The following GSPT1 variants were observed in gnomAD, a reference collection of about 807,000 sequenced individuals.
GSPT1 encodes G1 to S phase transition 1.
A neutral mutation model predicts 72.5 loss-of-function variants in GSPT1; 20 were observed. The observed-to-expected ratio is 0.28, with a 90% confidence interval of 0.19 to 0.40. The LOEUF (loss-of-function observed/expected upper bound fraction) is 0.40, where lower values mean the gene tolerates loss of function less well. Among genes scored for constraint, GSPT1 ranks in the 10% least tolerant of loss-of-function variants. The pLI, the probability that GSPT1 is intolerant of heterozygous loss-of-function variation, is 1.00. For synonymous variants in GSPT1, 334 were observed against 293.5 expected, an observed-to-expected ratio of 1.14 and a Z score of -1.41; for missense variants, 580 against 811.9, an observed-to-expected ratio of 0.71 and a Z score of 3.47.
At position 11,868,238 on chromosome 16, in the gene GSPT1, T is replaced by C. The variant is rs2053940091; in HGVS notation, c.*4881A>G. ...GCTTAATCCTCACACAGGCACCAAGTCAGGCACAGTAGGTAGCTACAAATC... is the reference window on the plus strand; with the variant it reads ...GCTTAATCCTCACACAGGCACCAAGCCAGGCACAGTAGGTAGCTACAAATC... On this transcript the variant is annotated 3_prime_UTR_variant, in exon 15 of 15. Coordinates refer to ENST00000434724, the MANE Select transcript of GSPT1 (RefSeq NM_002094.4). 1 of 152,126 alleles carries C rather than the reference T, an allele frequency of 6.6e-6. No individual in the cohort carries two copies. The highest frequency in any genetic ancestry group is 6.6e-5 in the Admixed American group (1 of 15,260). 9.4% of individuals were successfully genotyped at this position (152,126 alleles called of 1,614,324 possible).
intron 5 of GSPT1, 46 bp downstream of exon 5, chr16:11,894,908 A>T (rs1567444595): frequency 4.0e-6 from 5 of 1,239,066 alleles, no homozygotes; most frequent in Non-Finnish European, 5.8e-6. Context: ...CCTAAAATTC[A>T]TTACATCAAT....
At chr16:11,874,962 C>T (rs191438122) in intron 14 of GSPT1, among the ~76,000 whole-genome samples, 189 of 152,264 alleles carry the variant, frequency 1.2e-3, no homozygotes, top group Middle Eastern at 6.8e-3. Flanking sequence ...GAGGCCAAGG[C>T]GGGCGGATCA....
rs374995803 is a variant in GSPT1, at chr16:11,915,756, G to A, written c.-36C>T. The A allele has an allele frequency of 5.1e-4, 789 of 1,553,724 alleles. 4 individuals are homozygous for A. The African/African-American group carries it at 9.8e-3, about 19-fold the overall frequency. On this transcript the variant is annotated 5_prime_UTR_variant, in exon 1 of 15. Transcript: ENST00000434724. Reference sequence around the variant, plus strand: ...GCCGTGTGTGTGGTGGACAGAGAGCGGGAAATGGAGGCAGGGGCGCCCGGC... The same window carrying A: ...GCCGTGTGTGTGGTGGACAGAGAGCAGGAAATGGAGGCAGGGGCGCCCGGC...
intron 6 of GSPT1, among the ~76,000 whole-genome samples, chr16:11,889,457 C>A (rs1432507381): frequency 6.7e-6 from 1 of 149,466 alleles, no homozygotes; most frequent in Non-Finnish European, 1.5e-5. Flanking sequence ...CCTGCCTCAG[C>A]CTCCCAAGTA....
At chr16:11,900,694 C>T (rs1034941957) in intron 1 of GSPT1, among the ~76,000 whole-genome samples, 2 of 152,152 alleles carry the variant, frequency 1.3e-5, no homozygotes, top group Non-Finnish European at 2.9e-5. Context: ...TGATGTACTG[C>T]GTATCTTAAG....
intron 1 of GSPT1, among the ~76,000 whole-genome samples, chr16:11,905,449 C>G (rs1004042900): frequency 5.9e-5 from 9 of 152,132 alleles, no homozygotes; most frequent in Admixed American, 3.3e-4. Flanking sequence ...TACCTAATCC[C>G]CCATTTCTAT....
intron 14 of GSPT1, among the ~76,000 whole-genome samples, 181 bp from the exon 15 acceptor site, chr16:11,873,352 G>T (rs557999438): frequency 8.7e-4 from 133 of 152,048 alleles, no homozygotes; most frequent in Non-Finnish European, 1.4e-3. Context: ...GTCTTATTTG[G>T]GGGGGCTGGT....
At chr16:11,881,671 TTTA>T (rs1349431296) in intron 11 of GSPT1, 2 of 148,144 alleles carry the variant, frequency 1.4e-5, no homozygotes, top group Non-Finnish European at 3.0e-5. Flanking sequence ...TTTTTTTTTT[TTTA>T]GTAAAGGTCT....
chr16:11,883,070 T>C lies in GSPT1; in HGVS notation c.1373A>G (p.Lys458Arg). ...YKDMGTVVLG[K>R]LESGSICKGQ... ...TTTACAAATAGATCCTGATTCCAGC[T>C]TTCCCAGGACCACAGTGCCCATATC... The change falls in exon 11 of 15, where the codon AAG becomes AGG. Residue 458 changes from lysine to arginine, a missense_variant. By Grantham distance (26) the Lys-to-Arg change is conservative. Around this residue, in one of 6 missense-constraint regions of GSPT1, gnomAD observed 120 missense variants for 242.5 expected, o/e 0.49. Transcript: ENST00000434724. The C allele has an allele frequency of 6.2e-7, 1 of 1,608,336 alleles. No homozygotes were observed. Among genetic ancestry groups the C allele is most frequent in the Non-Finnish European group, 8.5e-7 (1 of 1,174,808 alleles).
chr16:11,899,210 G>A (rs458266), intron 1 of GSPT1, among the ~76,000 whole-genome samples: 2,777 of 152,274 alleles, frequency 0.018, 40 homozygotes, highest in Middle Eastern at 0.044. Context: ...TCATTGCCCG[G>A]AAAGGATCAA....
At chr16:11,893,410 C>G (rs2054294782) in intron 5 of GSPT1, among the ~76,000 whole-genome samples, 5 of 151,816 alleles carry the variant, frequency 3.3e-5, no homozygotes. Context: ...CAGATATGAG[C>G]CACCATGCCC....
intron 5 of GSPT1, among the ~76,000 whole-genome samples, chr16:11,892,855 A>AAG (rs2054286748): frequency 7.0e-6 from 1 of 142,384 alleles, no homozygotes; most frequent in Non-Finnish European, 1.5e-5. Flanking sequence ...AAAAAAAAAA[A>AAG]GAAAAGAAAA....
intron 1 of GSPT1, chr16:11,914,933 GA>G: frequency 9.6e-7 from 1 of 1,043,874 alleles, no homozygotes; most frequent in Non-Finnish European, 1.3e-6. Context: ...GGCCTAAGGT[GA>G]AAGGAAAACT....
chr16:11,873,820 C>T (rs1016394360), intron 14 of GSPT1, among the ~76,000 whole-genome samples: 1 of 152,164 alleles, frequency 6.6e-6, no homozygotes, highest in African/African-American at 2.4e-5. Context: ...AACTCTTGGC[C>T]TCAGGTGATC....
intron 14 of GSPT1, 50 bp from the exon 15 acceptor site, chr16:11,873,221 T>C: frequency 1.2e-6 from 1 of 866,166 alleles, no homozygotes; most frequent in Non-Finnish European, 1.9e-6. Flanking sequence ...AGCAAGTCTA[T>C]ATAAGATATT....
intron 1 of GSPT1, among the ~76,000 whole-genome samples, chr16:11,912,086 T>C (rs138357316): frequency 0.012 from 1,660 of 142,228 alleles, 37 homozygotes; most frequent in African/African-American, 0.041. Flanking sequence ...GTCACACCTG[T>C]AATCCCGGCA....
At position 11,872,971 on chromosome 16, in the gene GSPT1, A is replaced by C; in HGVS notation, c.*148T>G. On this transcript the variant is annotated 3_prime_UTR_variant, in exon 15 of 15. Transcript: ENST00000434724. ...CAGAGCTCTCAATATGAGAAAGCTG[A>C]CATAATGTGGACTTTTGCTGTGAAT... The C allele has an allele frequency of 1.7e-6, 1 of 601,384 alleles. No homozygotes were observed. The highest frequency in any genetic ancestry group is 2.4e-5 in the South Asian group (1 of 41,408). 37.3% of individuals were successfully genotyped at this position (601,384 alleles called of 1,614,324 possible).
At chr16:11,902,589 CT>C (rs138731095) in intron 1 of GSPT1, among the ~76,000 whole-genome samples, 465 of 144,440 alleles carry the variant, frequency 3.2e-3, no homozygotes, top group African/African-American at 5.6e-3. Context: ...GGAACTGGAT[CT>C]TTTTTTTTTT....
At chr16:11,876,221 TAAG>T in intron 12 of GSPT1, 46 bp from the exon 13 acceptor site, 1 of 1,183,222 alleles carries the variant, frequency 8.5e-7, no homozygotes, top group Non-Finnish European at 1.3e-6. Flanking sequence ...TTAGGGTAAA[TAAG>T]AATTCAATGT....
Sources: allele counts gnomAD v4.1 joint callset (sites outside exome capture counted in the v4.1 genomes callset), GRCh38; gene constraint gnomAD v4.1.1; regional missense constraint gnomAD v4.1.1; transcripts MANE v1.5; gene names NCBI Gene and HGNC (gene_info 2026-07-23, HGNC 2026-07-21).